The following PIP5K1C variants were observed in gnomAD, a reference collection of about 807,000 sequenced individuals.
PIP5K1C encodes phosphatidylinositol 4-phosphate 5-kinase type-1 gamma.
A neutral mutation model predicts 80.1 loss-of-function variants in PIP5K1C; 45 were observed. The ratio of observed to expected loss-of-function variants is 0.56; its 90% CI spans 0.44 to 0.72. The LOEUF is 0.72. Ranked by LOEUF, PIP5K1C falls within the 30% of genes least tolerant of loss-of-function variation. The pLI is 0.00. For missense variants in PIP5K1C, 753 were observed against 954.6 expected, an observed-to-expected ratio of 0.79 and a Z score of 2.78; for synonymous variants, 498 against 420.1, an observed-to-expected ratio of 1.19 and a Z score of -2.27.
chr19:3,660,122 T>G (rs2034782506), intron 5 of PIP5K1C, among the ~76,000 whole-genome samples: 1 of 152,080 alleles, frequency 6.6e-6, no homozygotes, highest in Non-Finnish European at 1.5e-5. Flanking sequence ...AGCTCACGCC[T>G]CTAATCCCAG....
chr19:3,662,421 C>T (rs762919585), intron 3 of PIP5K1C, among the ~76,000 whole-genome samples: 26 of 152,220 alleles, frequency 1.7e-4, no homozygotes, highest in Non-Finnish European at 2.8e-4. Flanking sequence ...CGCAGGTTCC[C>T]GTTAGCTGCT....
chr19:3,643,216 C>T, intron 13 of PIP5K1C, 27 bp downstream of exon 13: 1 of 1,611,306 alleles, frequency 6.2e-7, no homozygotes. Context: ...ATGCCCCGCC[C>T]ACATGCACTG....
At position 3,633,151 on chromosome 19, in the gene PIP5K1C, G is replaced by A. The variant is rs201195301; in HGVS notation, c.*16C>T. Reference sequence around the variant, plus strand: ...CAGAAGTGGAGCTCGGCTCTGGGTCGGGGGCTGCATAGAAATTACTGCAAG... The same window carrying A: ...CAGAAGTGGAGCTCGGCTCTGGGTCAGGGGCTGCATAGAAATTACTGCAAG... On this transcript the variant is annotated 3_prime_UTR_variant, in exon 18 of 18. Transcript: ENST00000335312. 2.0e-5 allele frequency: 15 copies of A among 764,528 alleles called. No individual in the cohort carries two copies. The highest frequency in any genetic ancestry group is 7.1e-5 in the Admixed American group (4 of 56,554). The allele number at this position is 764,528 out of a possible 1,614,324, so 47.4% of individuals were successfully genotyped here.
intron 1 of PIP5K1C, among the ~76,000 whole-genome samples, chr19:3,682,978 T>TCCTCCCCCTC (rs1568354562): frequency 1.5e-5 from 1 of 65,796 alleles, no homozygotes; most frequent in Non-Finnish European, 2.9e-5. Context: ...CTCCCTCCTC[T>TCCTCCCCCTC]CCTCCCCCTC....
In PIP5K1C at chr19:3,636,518, A is replaced by G. The variant is rs557795559; in HGVS notation, c.1920+2366T>C. ...GGCCTCTGCGAACTGCTCCCTGCCTATGGTGGGGTGGCCAGCAGGGCCGCT... is the reference window on the plus strand; with the variant it reads ...GGCCTCTGCGAACTGCTCCCTGCCTGTGGTGGGGTGGCCAGCAGGGCCGCT... On this transcript the variant is annotated intron_variant, in intron 16 of 17. Transcript: ENST00000335312. The G allele has an allele frequency of 2.6e-5, 26 of 985,442 alleles. No individual in the cohort carries two copies. The African/African-American group carries it at 3.7e-4, about 14-fold the overall frequency. The allele number at this position is 985,442 out of a possible 1,614,324, so 61.0% of individuals were successfully genotyped here.
intron 6 of PIP5K1C, 54 bp from the exon 7 acceptor site, chr19:3,653,643 G>A: frequency 2.0e-6 from 3 of 1,532,416 alleles, no homozygotes; most frequent in Non-Finnish European, 2.7e-6. Flanking sequence ...AGACTCACGG[G>A]GGCGGGCAAA....
At chr19:3,683,276 C>A (rs112069415) in intron 1 of PIP5K1C, among the ~76,000 whole-genome samples, 3 of 152,202 alleles carry the variant, frequency 2.0e-5, no homozygotes, top group Non-Finnish European at 4.4e-5. Flanking sequence ...AGGCTGCCTG[C>A]GACAGTGTCC....
chr19:3,650,522 C>T (rs1434255853), intron 8 of PIP5K1C, among the ~76,000 whole-genome samples: 2 of 152,232 alleles, frequency 1.3e-5, no homozygotes, highest in African/African-American at 4.8e-5. Flanking sequence ...GGGTGGAGGC[C>T]CGGGACGCTG....
At position 3,692,493 on chromosome 19, in the gene PIP5K1C, C is replaced by T. The variant is rs919483357; in HGVS notation, c.94+7804G>A. 6.6e-6 allele frequency among the ~76,000 whole-genome samples: 1 copy of T among 152,172 alleles called. No homozygotes were observed. Among genetic ancestry groups the T allele is most frequent in the African/African-American group, 2.4e-5 (1 of 41,430 alleles). On this transcript the variant is annotated intron_variant, in intron 1 of 17. Transcript: ENST00000335312. This position sits in a 1 kb window ranked among gnomAD's most constrained non-coding sequence, Gnocchi z 5.2. ...ATCTTGATTTCAAACTCAATCCCCC[C>T]TCAGCCCCACACTCAACCTTCAAAA... is the stretch of plus-strand genomic sequence containing the variant.
rs763052084 is a variant in PIP5K1C at position 3,661,824 on chromosome 19, C to T, written c.350+47G>A. On this transcript the variant is annotated intron_variant, in intron 4 of 17. Transcript: ENST00000335312. ...CAGGACAGGCCACTCCGCCTCAGAG[C>T]CACGTGTGTGCTGGGTGAGCCCTGA... The T allele has an allele frequency of 1.1e-5, 18 of 1,605,560 alleles. No individual in the cohort carries two copies. The African/African-American group carries it at 2.1e-4, about 19-fold the overall frequency.
chr19:3,650,332 C>T (rs769267356), intron 8 of PIP5K1C, among the ~76,000 whole-genome samples: 10 of 152,250 alleles, frequency 6.6e-5, no homozygotes, highest in South Asian at 6.2e-4. Context: ...CCTCCAAGGC[C>T]GCTGTGAAGA....
rs1033029702 is a variant in PIP5K1C, at chr19:3,648,991, C to T, written c.1128-283G>A. Among the ~76,000 whole-genome samples the T allele has an allele frequency of 2.3e-4, 35 of 152,270 alleles. No homozygotes were observed. Among genetic ancestry groups the T allele is most frequent in the African/African-American group, 8.2e-4 (34 of 41,548 alleles). On this transcript the variant is annotated intron_variant, in intron 8 of 17. Coordinates refer to ENST00000335312, the MANE Select transcript of PIP5K1C (RefSeq NM_012398.3). This position sits in a 1 kb window ranked among gnomAD's most constrained non-coding sequence, Gnocchi z 4.3. The stretch of plus-strand genomic sequence containing the variant: ...GCCTGGACACACACATGCACACACA[C>T]GCACACTGCATGCCCAGGTAGGGCC...
rs1234223070 is a variant in PIP5K1C, at chr19:3,692,089, T to A, written c.94+8208A>T. On this transcript the variant is annotated intron_variant, in intron 1 of 17. Coordinates refer to ENST00000335312, the MANE Select transcript of PIP5K1C (RefSeq NM_012398.3). The surrounding 1 kb of genome is among the most constrained non-coding windows in gnomAD (Gnocchi z 5.2). ...CGCTCACGTCCCTGTCCCCACTCCCTGGGCGCCCACCATGGGCAGGGCCGG... is the reference window on the plus strand; with the variant it reads ...CGCTCACGTCCCTGTCCCCACTCCCAGGGCGCCCACCATGGGCAGGGCCGG... 6.6e-6 allele frequency among the ~76,000 whole-genome samples: 1 copy of A among 152,190 alleles called. No homozygotes were observed. Among genetic ancestry groups the A allele is most frequent in the Non-Finnish European group, 1.5e-5 (1 of 68,022 alleles).
intron 5 of PIP5K1C, among the ~76,000 whole-genome samples, chr19:3,660,759 C>T (rs2034806095): frequency 6.6e-6 from 1 of 152,112 alleles, no homozygotes; most frequent in South Asian, 2.1e-4. Flanking sequence ...AGGACGGAGT[C>T]CTGCAGCTGC....
intron 9 of PIP5K1C, among the ~76,000 whole-genome samples, chr19:3,647,792 C>G (rs1252504197): frequency 1.3e-5 from 2 of 152,166 alleles, no homozygotes; most frequent in Non-Finnish European, 2.9e-5. Context: ...ACTAAAAATA[C>G]AAAAATTAGC....
chr19:3,665,998 T>C (rs1246010526), intron 2 of PIP5K1C, among the ~76,000 whole-genome samples: 1 of 152,020 alleles, frequency 6.6e-6, no homozygotes, highest in Non-Finnish European at 1.5e-5. Context: ...TGCTCAGCCA[T>C]GTTCCCTGCA....
intron 16 of PIP5K1C, chr19:3,636,564 C>G (rs2033695048): frequency 9.1e-6 from 9 of 985,598 alleles, no homozygotes; most frequent in Non-Finnish European, 1.1e-5. Context: ...AGTGCTCCTC[C>G]TCCCAGCAGG....
intron 5 of PIP5K1C, among the ~76,000 whole-genome samples, chr19:3,659,163 C>T (rs1028228997): frequency 2.6e-5 from 4 of 152,232 alleles, no homozygotes; most frequent in African/African-American, 7.2e-5. Flanking sequence ...CCTGTCCCCA[C>T]TCAAGCTCAG....
At chr19:3,680,419 C>T (rs1002017276) in intron 1 of PIP5K1C, among the ~76,000 whole-genome samples, 1 of 152,228 alleles carries the variant, frequency 6.6e-6, no homozygotes, top group African/African-American at 2.4e-5. Context: ...ATTCTCCCGT[C>T]TCAGCCTCCC....
Sources: gnomAD v4.1 joint callset for allele counts (sites outside exome capture counted in the v4.1 genomes callset) on GRCh38, gnomAD v4.1.1 for gene constraint, Gnocchi (gnomAD v3.1) non-coding constraint, MANE v1.5 for transcripts, NCBI Gene and HGNC (gene_info 2026-07-23, HGNC 2026-07-21) for gene names.